NHSL1: variants seen among roughly 807,000 people sequenced by gnomAD.
NHSL1 encodes NHS-like protein 1.
Under a neutral mutation model 95.0 loss-of-function variants are expected in NHSL1, and 48 were observed. That is an observed-to-expected ratio of 0.51 (90% CI 0.40 to 0.64). The LOEUF (loss-of-function observed/expected upper bound fraction) is 0.64, where lower values mean the gene tolerates loss of function less well. Ranked by LOEUF, NHSL1 falls within the 30% of genes least tolerant of loss-of-function variation. The probability of loss-of-function intolerance (pLI) is 0.00; values close to 1 mark genes in which losing one functional copy is unlikely to be tolerated. For missense variants in NHSL1, 1,971 were observed against 2,077.7 expected, an observed-to-expected ratio of 0.95 and a Z score of 1.00; for synonymous variants, 783 against 833.9, an observed-to-expected ratio of 0.94 and a Z score of 1.05.
At chr6:138,504,667 G>T (rs187170661) in intron 1 of NHSL1, among the ~76,000 whole-genome samples, 1 of 152,290 alleles carries the variant, frequency 6.6e-6, no homozygotes, top group African/African-American at 2.4e-5. Context: ...GTGGCAAGGG[G>T]GTCCCTGATG....
chr6:138,551,793 A>C (rs1783012851), intron 1 of NHSL1, among the ~76,000 whole-genome samples: 1 of 152,190 alleles, frequency 6.6e-6, no homozygotes, highest in Non-Finnish European at 1.5e-5. Context: ...CTCTGTAGGC[A>C]GGGGAATATG....
intron 1 of NHSL1, among the ~76,000 whole-genome samples, chr6:138,552,391 G>C (rs1583400654): frequency 6.6e-6 from 1 of 152,124 alleles, no homozygotes; most frequent in Non-Finnish European, 1.5e-5. Flanking sequence ...CTGCACTCCA[G>C]CCTGGGGGAC....
At chr6:138,556,848 G>A (rs1219087873) in intron 1 of NHSL1, among the ~76,000 whole-genome samples, 2 of 151,980 alleles carry the variant, frequency 1.3e-5, no homozygotes, top group Non-Finnish European at 2.9e-5. Flanking sequence ...TTTAAATATA[G>A]AGGATACAAA....
chr6:138,550,914 A>G (rs1782978563), intron 1 of NHSL1, among the ~76,000 whole-genome samples: 1 of 152,110 alleles, frequency 6.6e-6, no homozygotes, highest in Non-Finnish European at 1.5e-5. Flanking sequence ...CTCCATACCC[A>G]TTCACAAGTC....
At chr6:138,601,280 A>C (rs527661826) in intron 1 of NHSL1, among the ~76,000 whole-genome samples, 6 of 152,246 alleles carry the variant, frequency 3.9e-5, no homozygotes, top group African/African-American at 1.4e-4. Context: ...TTATTTTTTA[A>C]ATCTGTTATG....
rs1238512270 is a variant in NHSL1 at position 138,430,074 on chromosome 6, AT to A, written c.3953-232del. Reference sequence around the variant, plus strand: ...GGAACGCCCATGGCATCTCTCTTAAATTTTGTTGCAACGTTTCTTTGCGCGG... The same window carrying A: ...GGAACGCCCATGGCATCTCTCTTAAATTTGTTGCAACGTTTCTTTGCGCGG... On this transcript the variant is annotated intron_variant, in intron 6 of 7. Transcript: ENST00000343505. The surrounding 1 kb of genome is among the most constrained non-coding windows in gnomAD (Gnocchi z 4.7). Among the ~76,000 whole-genome samples, 2 of 152,172 alleles carry A rather than the reference AT, an allele frequency of 1.3e-5. No individual in the cohort carries two copies. Among genetic ancestry groups the A allele is most frequent in the Admixed American group, 6.5e-5 (1 of 15,278 alleles).
At chr6:138,485,372 G>A (rs760208439) in intron 2 of NHSL1, among the ~76,000 whole-genome samples, 7 of 148,412 alleles carry the variant, frequency 4.7e-5, no homozygotes, top group Admixed American at 6.8e-5. Flanking sequence ...TAAACAATCC[G>A]CAGTGCTTTG....
intron 1 of NHSL1, among the ~76,000 whole-genome samples, chr6:138,685,931 C>T (rs909820520): frequency 6.6e-6 from 1 of 152,034 alleles, no homozygotes; most frequent in Non-Finnish European, 1.5e-5. Flanking sequence ...ATCTGTCACA[C>T]AGAAATAAGG....
At chr6:138,434,986 C>T (rs182296175) in intron 5 of NHSL1, among the ~76,000 whole-genome samples, 6 of 152,248 alleles carry the variant, frequency 3.9e-5, no homozygotes, top group Non-Finnish European at 8.8e-5. Flanking sequence ...AATTTTTATA[C>T]TTGTATTTTT....
At chr6:138,436,628 G>A (rs1776117975) in intron 5 of NHSL1, among the ~76,000 whole-genome samples, 1 of 152,200 alleles carries the variant, frequency 6.6e-6, no homozygotes, top group South Asian at 2.1e-4. Flanking sequence ...GGCTATACTC[G>A]ACAACAGGTT....
At chr6:138,622,335 T>C (rs1008469143) in intron 1 of NHSL1, among the ~76,000 whole-genome samples, 4 of 151,854 alleles carry the variant, frequency 2.6e-5, no homozygotes, top group Non-Finnish European at 4.4e-5. Context: ...ACCCAGTCTC[T>C]ACTAAAAATC....
chr6:138,585,938 C>G (rs1784129215), intron 1 of NHSL1, among the ~76,000 whole-genome samples: 1 of 151,826 alleles, frequency 6.6e-6, no homozygotes, highest in Non-Finnish European at 1.5e-5. Context: ...ATAGTTCCAG[C>G]TACAAGGGAG....
intron 1 of NHSL1, among the ~76,000 whole-genome samples, chr6:138,585,904 A>C (rs1198870803): frequency 6.6e-6 from 1 of 151,618 alleles, no homozygotes; most frequent in African/African-American, 2.4e-5. Context: ...CTTAAAAATT[A>C]GCTGGGTGTG....
chr6:138,628,026 T>C (rs1294175049), intron 1 of NHSL1, among the ~76,000 whole-genome samples: 4 of 152,072 alleles, frequency 2.6e-5, no homozygotes, highest in Admixed American at 2.0e-4. Context: ...GTAAAACGTA[T>C]ATCCAGCCGG....
chr6:138,526,669 T>C lies in NHSL1; in HGVS notation c.16+18954A>G, dbSNP rs1465341878. Among the ~76,000 whole-genome samples, 6 of 152,346 alleles carry C rather than the reference T, an allele frequency of 3.9e-5. No homozygotes were observed. In the East Asian group the frequency reaches 1.2e-3, roughly 29 times the overall value. ...AAGCTTTTTCAATGTTTCTTTATAC[T>C]TTACCTCGAGTTGCGTGCTTAATTT... On this transcript the variant is annotated intron_variant, in intron 1 of 4. Transcript: ENST00000342260.
intron 1 of NHSL1, among the ~76,000 whole-genome samples, chr6:138,630,069 C>T (rs990578484): frequency 6.6e-6 from 1 of 152,040 alleles, no homozygotes; most frequent in African/African-American, 2.4e-5. Context: ...TTTTAAATTA[C>T]CCTGGCATGG....
chr6:138,517,361 A>C (rs1781499508), intron 1 of NHSL1, among the ~76,000 whole-genome samples: 1 of 152,218 alleles, frequency 6.6e-6, no homozygotes, highest in Non-Finnish European at 1.5e-5. Context: ...TCATGATTAA[A>C]GCCCATGAAT....
At chr6:138,573,102 G>T (rs1445241523), upstream of NHSL1, among the ~76,000 whole-genome samples, 6 of 152,154 alleles carry the variant, frequency 3.9e-5, no homozygotes, top group Admixed American at 1.3e-4. Context: ...GCCCCTGGGG[G>T]TTATTCCTCT....
At chr6:138,691,907 T>G in intron 1 of NHSL1, 1 of 456,530 alleles carries the variant, frequency 2.2e-6, no homozygotes, top group South Asian at 1.5e-5. Context: ...AGAAAGAAAA[T>G]TCTGCGCCAA....
Sources: gnomAD v4.1 joint callset for allele counts (sites outside exome capture counted in the v4.1 genomes callset) on GRCh38, gnomAD v4.1.1 for gene constraint, Gnocchi (gnomAD v3.1) non-coding constraint, MANE v1.5 for transcripts, NCBI Gene and HGNC (gene_info 2026-07-23, HGNC 2026-07-21) for gene names.